EXTL3: variants seen among roughly 807,000 people sequenced by gnomAD.
The protein encoded by EXTL3 is exostosin-like 3.
Under a neutral mutation model 69.3 loss-of-function variants are expected in EXTL3, and 27 were observed. That is an observed-to-expected ratio of 0.39 (90% CI 0.29 to 0.54). The LOEUF is 0.54. Among genes scored for constraint, EXTL3 ranks in the 20% least tolerant of loss-of-function variants. EXTL3 has a pLI of 0.69. For synonymous variants in EXTL3, 511 were observed against 499.4 expected, an observed-to-expected ratio of 1.02 and a Z score of -0.31; for missense variants, 1,003 against 1,231.8, an observed-to-expected ratio of 0.81 and a Z score of 2.78.
At chr8:28,649,580 T>C in intron 1 of EXTL3, among the ~76,000 whole-genome samples, 1 of 152,202 alleles carries the variant, frequency 6.6e-6, no homozygotes, top group Middle Eastern at 3.2e-3. Context: ...ATTTTTCTGA[T>C]TGGTTGAAGT....
intron 1 of EXTL3, among the ~76,000 whole-genome samples, chr8:28,712,749 A>G (rs1460087426): frequency 6.6e-6 from 1 of 152,226 alleles, no homozygotes; most frequent in Non-Finnish European, 1.5e-5. Context: ...GTGGGGATGC[A>G]TTCTTTTGAA....
At chr8:28,701,058 C>CT (rs554943886), upstream of EXTL3, 14 of 152,422 alleles carry the variant, frequency 9.2e-5, no homozygotes, top group Middle Eastern at 3.4e-3. Flanking sequence ...GGCTTCAAAA[C>CT]TGCAGGCAGT....
At chr8:28,679,012 C>T (rs1435017009) in intron 1 of EXTL3, among the ~76,000 whole-genome samples, 3 of 152,178 alleles carry the variant, frequency 2.0e-5, no homozygotes, top group Non-Finnish European at 4.4e-5. Context: ...GTGCATCTGC[C>T]TGGGACCAGG....
At chr8:28,684,215 G>T (rs1807540210) in intron 1 of EXTL3, among the ~76,000 whole-genome samples, 1 of 152,128 alleles carries the variant, frequency 6.6e-6, no homozygotes, top group African/African-American at 2.4e-5. Flanking sequence ...CTTGGCTATT[G>T]TGAATAGTGC....
At chr8:28,745,008 C>A (rs1563225394) in intron 6 of EXTL3, among the ~76,000 whole-genome samples, 1 of 151,676 alleles carries the variant, frequency 6.6e-6, no homozygotes, top group Admixed American at 6.6e-5. Context: ...GACTAAGTAC[C>A]CACCAGCATG....
intron 1 of EXTL3, among the ~76,000 whole-genome samples, chr8:28,650,091 G>A (rs1004374275): frequency 6.6e-6 from 1 of 151,252 alleles, no homozygotes; most frequent in Non-Finnish European, 1.5e-5. Context: ...AGCTACTCTG[G>A]AGGGTGAGGC....
rs187748075 is a variant in EXTL3 at position 28,653,365 on chromosome 8, T to C, written c.-53+30555T>C. Among the ~76,000 whole-genome samples, 105 of 152,338 alleles carry C rather than the reference T, an allele frequency of 6.9e-4. No individual in the cohort carries two copies. The East Asian group carries it at 0.019, about 28-fold the overall frequency. ...AGTGTCCATTGATGCATACAAGTTT[T>C]TTATTTTCAAAAAGTTTAGTTTATC... On this transcript the variant is annotated intron_variant, in intron 1 of 6. Coordinates refer to the EXTL3 transcript ENST00000523149.
At chr8:28,650,652 C>T (rs886717918) in intron 1 of EXTL3, among the ~76,000 whole-genome samples, 1 of 152,048 alleles carries the variant, frequency 6.6e-6, no homozygotes, top group East Asian at 1.9e-4. Flanking sequence ...CCACTGTGCC[C>T]GGCCTGTATT....
chr8:28,610,281 C>G (rs532108146), intron 2 of EXTL3, among the ~76,000 whole-genome samples: 58 of 151,726 alleles, frequency 3.8e-4, no homozygotes, highest in Non-Finnish European at 3.5e-4. Context: ...GTCGAGAGTC[C>G]TAGGAAAAGA....
chr8:28,653,334 C>T (rs1806957077), intron 1 of EXTL3, among the ~76,000 whole-genome samples: 1 of 152,136 alleles, frequency 6.6e-6, no homozygotes, highest in African/African-American at 2.4e-5. Context: ...TTTTTACTCT[C>T]TTGATAGTGT....
At chr8:28,642,840 C>T (rs1409627645) in intron 1 of EXTL3, among the ~76,000 whole-genome samples, 2 of 151,982 alleles carry the variant, frequency 1.3e-5, no homozygotes, top group African/African-American at 4.8e-5. Flanking sequence ...TAGTTATAGA[C>T]ATTTTAATTT....
chr8:28,619,311 A>G (rs1011013115), upstream of EXTL3, among the ~76,000 whole-genome samples: 1 of 121,472 alleles, frequency 8.2e-6, no homozygotes, highest in Non-Finnish European at 1.6e-5. Flanking sequence ...AAAAAAAAAA[A>G]AAAACCCTGT....
intron 6 of EXTL3, among the ~76,000 whole-genome samples, chr8:28,744,808 A>G (rs1801854456): frequency 7.0e-6 from 1 of 143,822 alleles, no homozygotes; most frequent in Admixed American, 6.9e-5. Flanking sequence ...AAAAAAAAAT[A>G]CACACACACG....
At chr8:28,656,890 T>TTTCTTTCG (rs1187615552) in intron 1 of EXTL3, among the ~76,000 whole-genome samples, 2 of 152,018 alleles carry the variant, frequency 1.3e-5, no homozygotes, top group East Asian at 3.9e-4. Flanking sequence ...TTGGTCTTTC[T>TTTCTTTCG]TTCTTTCTTT....
chr8:28,678,347 C>T lies in EXTL3; in HGVS notation c.-52-35110C>T, dbSNP rs150798600. ...CCCCTCCAAATCTCATGTTGAAATT[C>T]GATTCCCAATGTTGGAGGTGAAGCC... is the stretch of plus-strand genomic sequence containing the variant. On this transcript the variant is annotated intron_variant, in intron 1 of 6. Coordinates refer to the EXTL3 transcript ENST00000523149. 5.9e-5 allele frequency among the ~76,000 whole-genome samples: 9 copies of T among 152,286 alleles called. No individual in the cohort carries two copies. The South Asian group carries it at 6.2e-4, about 11-fold the overall frequency.
chr8:28,619,266 TAAAAAAAAAAAAAAAAAAAAAAAAAA>T (rs755355444), upstream of EXTL3, among the ~76,000 whole-genome samples: 951 of 64,662 alleles, frequency 0.015, 49 homozygotes, highest in African/African-American at 0.056. Context: ...AGCTTAGTGA[TAAAAAAAAAAAAAAAAAAAAAAAAAA>T]AAAAAAAAAA....
At position 28,692,513 on chromosome 8, in the gene EXTL3, T is replaced by C. The variant is rs531412170; in HGVS notation, c.-52-20944T>C. On this transcript the variant is annotated intron_variant, in intron 1 of 6. Coordinates refer to the EXTL3 transcript ENST00000523149. ...TTGGTTTAAAACCTATATATTTTTC[T>C]TTTGAAAATTCCTGTGGTGGAAACT... Among the ~76,000 whole-genome samples, 18 of 152,376 alleles carry C rather than the reference T, an allele frequency of 1.2e-4. No homozygotes were observed. In the South Asian group the frequency reaches 3.7e-3, roughly 32 times the overall value.
At chr8:28,676,021 C>CAA (rs386412447) in intron 1 of EXTL3, among the ~76,000 whole-genome samples, 70,088 of 105,292 alleles carry the variant, frequency 0.67, 24,075 homozygotes, top group East Asian at 0.84. Flanking sequence ...GACTCCATCT[C>CAA]AAAAAAAAAA....
In EXTL3 at chr8:28,717,478, G is replaced by C. The variant is rs1801185192; in HGVS notation, c.1419G>C (p.Gln473His). 6.2e-7 allele frequency: 1 copy of C among 1,614,120 alleles called. No homozygotes were observed. Among genetic ancestry groups the C allele is most frequent in the Non-Finnish European group, 8.5e-7 (1 of 1,180,058 alleles). Residue 473 changes from glutamine to histidine, a missense_variant, in exon 3 of 7, where the codon CAG becomes CAC. Gln to His is a conservative substitution (Grantham distance 24, BLOSUM62 0). Transcript: ENST00000220562. The surrounding 1 kb of genome is among the most constrained non-coding windows in gnomAD (Gnocchi z 8.3). ...GGGAGCAGGTCCAGCTTCCCTACCAGGACATGCTGCAGTGGAACGAGGCGG... is the reference window on the plus strand; with the variant it reads ...GGGAGCAGGTCCAGCTTCCCTACCACGACATGCTGCAGTGGAACGAGGCGG... ...VLGEQVQLPY[Q>H]DMLQWNEAAL...
Sources: gnomAD v4.1 joint callset for allele counts (sites outside exome capture counted in the v4.1 genomes callset) on GRCh38, gnomAD v4.1.1 for gene constraint, Gnocchi (gnomAD v3.1) non-coding constraint, MANE v1.5 for transcripts, NCBI Gene and HGNC (gene_info 2026-07-23, HGNC 2026-07-21) for gene names.